CHRNA2: variants seen among roughly 807,000 people sequenced by gnomAD.
CHRNA2 encodes the protein neuronal acetylcholine receptor subunit alpha-2.
A neutral mutation model predicts 45.5 loss-of-function variants in CHRNA2; 40 were observed. The ratio of observed to expected loss-of-function variants is 0.88; its 90% CI spans 0.68 to 1.15. The LOEUF (loss-of-function observed/expected upper bound fraction) is 1.15, where lower values mean the gene tolerates loss of function less well. Ranked by LOEUF, CHRNA2 falls within the 50% of genes most tolerant of loss-of-function variation. The pLI, the probability that CHRNA2 is intolerant of heterozygous loss-of-function variation, is 0.00. For missense variants in CHRNA2, 655 were observed against 701.7 expected (o/e 0.93, Z 0.75); for synonymous variants, 301 against 296.7 (o/e 1.01, Z -0.15).
At chr8:27,473,531 C>CT (rs1448006510) in intron 1 of CHRNA2, among the ~76,000 whole-genome samples, 19 of 125,668 alleles carry the variant, frequency 1.5e-4, no homozygotes, top group East Asian at 2.9e-4. Flanking sequence ...GAGACCCCCC[C>CT]CGCCGTCTCT....
intron 2 of CHRNA2, among the ~76,000 whole-genome samples, chr8:27,470,236 G>C (rs1032191420): frequency 6.6e-6 from 1 of 152,162 alleles, no homozygotes; most frequent in Non-Finnish European, 1.5e-5. Flanking sequence ...GCAGGGAAGA[G>C]GGGAAACGAA....
intron 4 of CHRNA2, 192 bp from the exon 5 acceptor site, chr8:27,467,530 C>T (rs995697228): frequency 8.1e-5 from 47 of 580,450 alleles, no homozygotes; most frequent in Admixed American, 2.6e-4. Flanking sequence ...CCAACCTTCT[C>T]GCTTTGCCTG....
Position 27,471,108 on chromosome 8 carries a change from C to A in CHRNA2, c.-50G>T. The A allele has an allele frequency of 6.6e-7, 1 of 1,523,972 alleles. No homozygotes were observed. Among genetic ancestry groups the A allele is most frequent in the Non-Finnish European group, 9.1e-7 (1 of 1,099,266 alleles). The allele number at this position is 1,523,972 out of a possible 1,614,324, so 94.4% of individuals were successfully genotyped here. On this transcript the variant is annotated 5_prime_UTR_variant, in exon 2 of 7. Coordinates refer to ENST00000407991, the MANE Select transcript of CHRNA2 (RefSeq NM_000742.4). ...CAGGTCAGGGCTTTGCTGTGGGTTG[C>A]ACCATGGACCATGTCCCCAGCAGAG...
chr8:27,470,722 A>T (rs1812853969), intron 2 of CHRNA2, among the ~76,000 whole-genome samples: 1 of 152,200 alleles, frequency 6.6e-6, no homozygotes, highest in African/African-American at 2.4e-5. Flanking sequence ...TCCTCACAAT[A>T]GGCCTGGGAG....
At position 27,461,599 on chromosome 8, in the gene CHRNA2, G is replaced by A. The variant is rs748966513; in HGVS notation, c.*30C>T. The A allele has an allele frequency of 1.2e-6, 2 of 1,613,860 alleles. No homozygotes were observed. The highest frequency in any genetic ancestry group is 1.1e-5 in the South Asian group (1 of 91,082). On this transcript the variant is annotated 3_prime_UTR_variant, in exon 7 of 7. Coordinates refer to ENST00000407991, the MANE Select transcript of CHRNA2 (RefSeq NM_000742.4). ...CGGTCAAAAGATGGTCAGCGGGGGT[G>A]CCCTGGGAGCCAGCTCGAGGGAGGT...
In CHRNA2 at chr8:27,467,226, T is replaced by A. The variant is rs750588205; in HGVS notation, c.449+3A>T. On this transcript the variant is annotated splice_donor_region_variant and intron_variant, in intron 5 of 6. Transcript: ENST00000407991. ...TCCCCCCAGGACCCCAATGGCTTCC[T>A]ACTTGTTGTAGAGAACAATGTCGGG... 3.7e-6 allele frequency: 6 copies of A among 1,611,012 alleles called. No homozygotes were observed. The highest frequency in any genetic ancestry group is 5.1e-6 in the Non-Finnish European group (6 of 1,177,178).
chr8:27,471,601 T>TGGAC (rs1812885507), intron 1 of CHRNA2, among the ~76,000 whole-genome samples: 1 of 152,210 alleles, frequency 6.6e-6, no homozygotes, highest in Non-Finnish European at 1.5e-5. Context: ...GATGAATGGA[T>TGGAC]GGACAAAAGG....
At chr8:27,471,740 C>G (rs1812890527) in intron 1 of CHRNA2, among the ~76,000 whole-genome samples, 1 of 152,230 alleles carries the variant, frequency 6.6e-6, no homozygotes, top group Non-Finnish European at 1.5e-5. Context: ...AAGCCACATA[C>G]TGAAGGTGAT....
Position 27,473,533 on chromosome 8 carries a change from G to A in CHRNA2, c.-136-2339C>T, listed in dbSNP as rs4377919. Reference sequence around the variant, plus strand: ...TGGGCAACATAGTGAGACCCCCCCCGCCGTCTCTACAAAAAATTCAAAAAT... The same window carrying A: ...TGGGCAACATAGTGAGACCCCCCCCACCGTCTCTACAAAAAATTCAAAAAT... On this transcript the variant is annotated intron_variant, in intron 1 of 6. Coordinates refer to ENST00000407991, the MANE Select transcript of CHRNA2 (RefSeq NM_000742.4). Among the ~76,000 whole-genome samples, 771 of 104,498 alleles carry A rather than the reference G, an allele frequency of 7.4e-3. 36 individuals are homozygous for A. The highest frequency in any genetic ancestry group is 0.023 in the African/African-American group (637 of 27,348). 68.6% of individuals were successfully genotyped at this position (104,498 alleles called of 152,430 possible). A position where few individuals can be genotyped will look rare whatever the true frequency, so the allele number is the denominator to read the frequency against.
Position 27,463,348 on chromosome 8 carries a change from C to T in CHRNA2, c.1095G>A (p.Trp365Ter), listed in dbSNP as rs753568467. 5.0e-6 allele frequency: 8 copies of T among 1,613,924 alleles called. No homozygotes were observed. The highest frequency in any genetic ancestry group is 6.8e-6 in the Non-Finnish European group (8 of 1,180,006). The change falls in exon 6 of 7, where the codon TGG becomes TGA. Residue 365 changes from tryptophan (W) to a stop codon, truncating the protein, a stop_gained. Coordinates refer to ENST00000407991, the MANE Select transcript of CHRNA2 (RefSeq NM_000742.4). LOFTEE classifies it high-confidence loss of function. This position sits in a 1 kb window ranked among gnomAD's most constrained non-coding sequence, Gnocchi z 6.1. Reference protein sequence around the residue: ...RSPSTHTMPHWVRGALLGCVP... With the variant: ...RSPSTHTMPH ...CACAGCCCAGAAGGGCCCCCCGCAC[C>T]CAGTGGGGCATGGTGTGGGTGCTGG...
Position 27,463,621 on chromosome 8 carries a change from G to T in CHRNA2, c.822C>A (p.Ile274=). The T allele has an allele frequency of 6.2e-7, 1 of 1,614,218 alleles. No homozygotes were observed. Among genetic ancestry groups the T allele is most frequent in the African/African-American group, 1.3e-5 (1 of 75,052 alleles). Residue 274 remains isoleucine, a synonymous_variant, in exon 6 of 7, where the codon ATC becomes ATA. Coordinates refer to ENST00000407991, the MANE Select transcript of CHRNA2 (RefSeq NM_000742.4). The surrounding 1 kb of genome is among the most constrained non-coding windows in gnomAD (Gnocchi z 6.1). ...LPLFYTINLI[I]PCLLISCLTV... ...TGAGGCAGGAGATGAGCAGGCAGGG[G>T]ATGATGAGGTTGATGGTGTAGAAGA... is the stretch of plus-strand genomic sequence containing the variant.
intron 1 of CHRNA2, among the ~76,000 whole-genome samples, chr8:27,478,089 A>G (rs1317441232): frequency 3.3e-5 from 5 of 152,072 alleles, no homozygotes; most frequent in Admixed American, 1.3e-4. Flanking sequence ...CCTTCTCCCA[A>G]AAGGCTGCTT....
At position 27,463,127 on chromosome 8, in the gene CHRNA2, T is replaced by C; in HGVS notation, c.1316A>G (p.His439Arg). 6.2e-7 allele frequency: 1 copy of C among 1,607,522 alleles called. No individual in the cohort carries two copies. The highest frequency in any genetic ancestry group is 1.1e-5 in the South Asian group (1 of 90,946). ...VAPSVGTLCS[H>R]GHLHSGASGP... ...TGAGGCCCCAGAGTGCAGGTGGCCG[T>C]GGCTGCAGAGGGTGCCCACAGAGGG... Residue 439 changes from histidine (H) to arginine (R), a missense_variant, in exon 6 of 7, where the codon CAC (histidine) becomes CGC (arginine). His to Arg is a conservative substitution (Grantham distance 29). This residue lies in a region of CHRNA2 where 295 missense variants were observed against 280.4 expected (regional missense o/e 1.05). Coordinates refer to ENST00000407991, the MANE Select transcript of CHRNA2 (RefSeq NM_000742.4). This position sits in a 1 kb window ranked among gnomAD's most constrained non-coding sequence, Gnocchi z 6.1.
intron 1 of CHRNA2, among the ~76,000 whole-genome samples, chr8:27,477,962 A>G (rs1023353940): frequency 8.5e-5 from 13 of 152,126 alleles, no homozygotes; most frequent in Admixed American, 2.0e-4. Context: ...GCCTGCCTGA[A>G]TCCTGGTTCC....
In CHRNA2 at chr8:27,462,979, C is replaced by T. The variant is rs796052305; in HGVS notation, c.1464G>A (p.Ser488=). 1.7e-5 allele frequency: 28 copies of T among 1,613,916 alleles called. No homozygotes were observed. Among genetic ancestry groups the T allele is most frequent in the African/African-American group, 9.3e-5 (7 of 74,950 alleles). Residue 488 remains serine, a splice_region_variant and synonymous_variant, in exon 6 of 7, where the codon TCG becomes TCA. Coordinates refer to ENST00000407991, the MANE Select transcript of CHRNA2 (RefSeq NM_000742.4). ...DHLRSEDADS[S]VKEDWKYVAM... ...GGCGCCTCTCCCAACCCCAACGCAC[C>T]GAAGAGTCAGCATCCTCAGACCGCA...
chr8:27,469,603 G>A, intron 3 of CHRNA2, 158 bp downstream of exon 3: 1 of 948,968 alleles, frequency 1.1e-6, no homozygotes, highest in Non-Finnish European at 1.6e-6. Context: ...AGCTGGGAGA[G>A]GGGAGAGCGT....
chr8:27,473,532 C>CA (rs58855963), intron 1 of CHRNA2, among the ~76,000 whole-genome samples: 1 of 137,552 alleles, frequency 7.3e-6, no homozygotes, highest in Non-Finnish European at 1.6e-5. Flanking sequence ...AGACCCCCCC[C>CA]GCCGTCTCTA....
At chr8:27,473,959 C>T (rs1812981851) in intron 1 of CHRNA2, among the ~76,000 whole-genome samples, 1 of 152,194 alleles carries the variant, frequency 6.6e-6, no homozygotes, top group Non-Finnish European at 1.5e-5. Flanking sequence ...GTCCTGGCCC[C>T]ACCACTGGCT....
rs796052309 is a variant in CHRNA2 at position 27,463,553 on chromosome 8, ATCT to A, written c.887_889del (p.Lys296del). On this transcript the variant is annotated inframe_deletion, in exon 6 of 7. Coordinates refer to ENST00000407991, the MANE Select transcript of CHRNA2 (RefSeq NM_000742.4). The surrounding 1 kb of genome is among the most constrained non-coding windows in gnomAD (Gnocchi z 6.1). ...CAGCAGCACCGAAATGCACAGCGTG[ATCT>A]TCTCGCCGCAGTCGGAGGGCAGGTA... is the stretch of plus-strand genomic sequence containing the variant. 3.7e-6 allele frequency: 6 copies of A among 1,614,100 alleles called. No individual in the cohort carries two copies. Among genetic ancestry groups the A allele is most frequent in the Non-Finnish European group, 5.1e-6 (6 of 1,180,046 alleles).
Sources: allele counts gnomAD v4.1 joint callset (sites outside exome capture counted in the v4.1 genomes callset), GRCh38; gene constraint gnomAD v4.1.1; regional missense constraint gnomAD v4.1.1; non-coding constraint Gnocchi (gnomAD v3.1); transcripts MANE v1.5; gene names NCBI Gene and HGNC (gene_info 2026-07-23, HGNC 2026-07-21).